Variants in NLGN1 observed in about 807,000 individuals in gnomAD.
NLGN1 encodes the protein neuroligin-1.
Under a neutral mutation model 65.5 loss-of-function variants are expected in NLGN1, and 12 were observed. The observed-to-expected ratio is 0.18, with a 90% confidence interval of 0.12 to 0.30. NLGN1 has a LOEUF of 0.30. Among genes scored for constraint, NLGN1 ranks in the 10% least tolerant of loss-of-function variants. The probability of loss-of-function intolerance (pLI) is 1.00; values close to 1 mark genes in which losing one functional copy is unlikely to be tolerated. For synonymous variants in NLGN1, 350 were observed against 359.5 expected (o/e 0.97, Z 0.30); for missense variants, 750 against 1,007.1 (o/e 0.74, Z 3.46).
chr3:174,013,913 C>T (rs1726042359), intron 4 of NLGN1, among the ~76,000 whole-genome samples: 1 of 152,056 alleles, frequency 6.6e-6, no homozygotes, highest in African/African-American at 2.4e-5. Flanking sequence ...CAGAGTCTGA[C>T]TATGTTTCCT....
chr3:174,225,891 A>G (rs4894466), intron 4 of NLGN1, among the ~76,000 whole-genome samples: 111,168 of 151,974 alleles, frequency 0.73, 40,755 homozygotes, highest in East Asian at 0.81. Context: ...CTAGAGTAGC[A>G]AGGTTTATTA....
At chr3:173,813,014 A>C (rs1718290781) in intron 4 of NLGN1, among the ~76,000 whole-genome samples, 1 of 151,466 alleles carries the variant, frequency 6.6e-6, no homozygotes, top group African/African-American at 2.4e-5. Context: ...ATTGATCTAT[A>C]TGAATAGATT....
chr3:173,397,516 T>C (rs1047206895), upstream of NLGN1, among the ~76,000 whole-genome samples: 1 of 152,056 alleles, frequency 6.6e-6, no homozygotes, highest in East Asian at 1.9e-4. Flanking sequence ...ACCCTCCTGG[T>C]GGGCGTTCTC....
At chr3:174,044,875 C>G (rs1733192539) in intron 4 of NLGN1, among the ~76,000 whole-genome samples, 1 of 152,140 alleles carries the variant, frequency 6.6e-6, no homozygotes, top group African/African-American at 2.4e-5. Context: ...ATCCAATGAT[C>G]TTATAAGGGG....
At chr3:173,498,492 T>A (rs897562205) in intron 2 of NLGN1, among the ~76,000 whole-genome samples, 1 of 151,862 alleles carries the variant, frequency 6.6e-6, no homozygotes, top group African/African-American at 2.4e-5. Context: ...TTTACTATTG[T>A]GAATAGTGCC....
At chr3:173,941,282 T>A (rs143796633) in intron 4 of NLGN1, among the ~76,000 whole-genome samples, 1 of 152,084 alleles carries the variant, frequency 6.6e-6, no homozygotes, top group Non-Finnish European at 1.5e-5. Flanking sequence ...GAATGGCAGT[T>A]CATTTTCACA....
chr3:174,200,224 C>G (rs1734180073), intron 4 of NLGN1, among the ~76,000 whole-genome samples: 2 of 152,112 alleles, frequency 1.3e-5, no homozygotes, highest in Non-Finnish European at 2.9e-5. Flanking sequence ...AGTGCTAATG[C>G]AAGAAGAAAA....
chr3:173,883,505 G>A (rs1033429049), intron 4 of NLGN1, among the ~76,000 whole-genome samples: 1 of 152,134 alleles, frequency 6.6e-6, no homozygotes, highest in Non-Finnish European at 1.5e-5. Flanking sequence ...CACATGAAGT[G>A]AGCATATGTT....
intron 4 of NLGN1, among the ~76,000 whole-genome samples, chr3:174,142,703 G>A (rs1251254936): frequency 6.6e-6 from 1 of 151,970 alleles, no homozygotes; most frequent in Non-Finnish European, 1.5e-5. Flanking sequence ...GTTAAATCAG[G>A]GCATTATAGG....
intron 2 of NLGN1, among the ~76,000 whole-genome samples, chr3:173,513,571 G>A (rs1363909077): frequency 6.6e-6 from 1 of 152,126 alleles, no homozygotes; most frequent in Non-Finnish European, 1.5e-5. Context: ...TGTTTGTTCA[G>A]CTTTTCATAA....
At chr3:173,528,506 T>G (rs1736024563) in intron 2 of NLGN1, among the ~76,000 whole-genome samples, 1 of 152,236 alleles carries the variant, frequency 6.6e-6, no homozygotes, top group Admixed American at 6.5e-5. Context: ...AAGGAAATTT[T>G]CCTGCATTAT....
chr3:173,749,156 A>G (rs1168000069), intron 3 of NLGN1, among the ~76,000 whole-genome samples: 3 of 152,074 alleles, frequency 2.0e-5, no homozygotes, highest in Non-Finnish European at 4.4e-5. Flanking sequence ...AAAAATGTTT[A>G]TCTCACTCAC....
At chr3:173,566,641 C>T (rs966440656) in intron 2 of NLGN1, among the ~76,000 whole-genome samples, 1 of 152,114 alleles carries the variant, frequency 6.6e-6, no homozygotes, top group Non-Finnish European at 1.5e-5. Context: ...CTACCCTCAC[C>T]CTGCAAACAA....
intron 4 of NLGN1, among the ~76,000 whole-genome samples, chr3:174,215,785 G>A (rs1737481455): frequency 6.6e-6 from 1 of 152,136 alleles, no homozygotes; most frequent in Non-Finnish European, 1.5e-5. Flanking sequence ...TGTTGCCAAT[G>A]AATATATTTG....
At chr3:173,769,414 C>G (rs930736492) in intron 3 of NLGN1, among the ~76,000 whole-genome samples, 6 of 152,120 alleles carry the variant, frequency 3.9e-5, no homozygotes, top group African/African-American at 1.4e-4. Flanking sequence ...TTCCCCCAAA[C>G]ACACATATGA....
intron 4 of NLGN1, among the ~76,000 whole-genome samples, chr3:174,149,979 C>A (rs1302894698): frequency 1.3e-5 from 2 of 151,982 alleles, no homozygotes; most frequent in Admixed American, 6.6e-5. Context: ...TAAATTACAC[C>A]ACTTATTGAT....
chr3:173,596,906 C>G (rs892630448), intron 2 of NLGN1, among the ~76,000 whole-genome samples: 3 of 152,096 alleles, frequency 2.0e-5, no homozygotes, highest in Non-Finnish European at 4.4e-5. Flanking sequence ...ATTTCTGTAA[C>G]CTTTGCTCTT....
At chr3:173,701,328 G>A (rs1174985358) in intron 3 of NLGN1, among the ~76,000 whole-genome samples, 1 of 152,160 alleles carries the variant, frequency 6.6e-6, no homozygotes, top group Non-Finnish European at 1.5e-5. Flanking sequence ...GTGCCTCAGT[G>A]TAGTCACAGG....
intron 4 of NLGN1, among the ~76,000 whole-genome samples, chr3:173,924,631 A>T (rs1288306937): frequency 2.0e-5 from 3 of 151,842 alleles, no homozygotes; most frequent in Non-Finnish European, 2.9e-5. Context: ...TCAAAAAAAA[A>T]AATAAAAATA....
Sources: allele counts gnomAD v4.1 joint callset (sites outside exome capture counted in the v4.1 genomes callset), GRCh38; gene constraint gnomAD v4.1.1; transcripts MANE v1.5; gene names NCBI Gene and HGNC (gene_info 2026-07-23, HGNC 2026-07-21).